The following HDAC9 variants were observed in gnomAD, a reference collection of about 807,000 sequenced individuals.
HDAC9 encodes the protein MEF-2 interacting transcription repressor (MITR) protein.
A neutral mutation model predicts 139.4 loss-of-function variants in HDAC9; 41 were observed. The observed-to-expected ratio is 0.29, with a 90% CI of 0.23 to 0.38. HDAC9 has a LOEUF of 0.38. Ranked by LOEUF, HDAC9 falls within the 10% of genes least tolerant of loss-of-function variation. The pLI, the probability that HDAC9 is intolerant of heterozygous loss-of-function variation, is 1.00. For synonymous variants in HDAC9, 517 were observed against 476.2 expected (o/e 1.09, Z -1.12); for missense variants, 1,147 against 1,297.0 (o/e 0.88, Z 1.78).
In HDAC9 at chr7:18,549,808, A is replaced by G. The variant is rs1235699299; in HGVS notation, c.23-35473A>G. Among the ~76,000 whole-genome samples the G allele has an allele frequency of 4.0e-5, 6 of 151,476 alleles. 1 individual carries two copies. The highest frequency in any genetic ancestry group is 1.5e-4 in the African/African-American group (6 of 41,208). The stretch of plus-strand genomic sequence containing the variant: ...CACACCCACACCCACACATACACAC[A>G]GTTTCTTATGGGGAAATGTTATTTT... On this transcript the variant is annotated intron_variant, in intron 2 of 25. Coordinates refer to ENST00000686413, the MANE Select transcript of HDAC9 (RefSeq NM_178425.4).
chr7:18,957,468 A>G (rs1318424529), intron 24 of HDAC9, among the ~76,000 whole-genome samples: 1 of 152,140 alleles, frequency 6.6e-6, no homozygotes, highest in African/African-American at 2.4e-5. Flanking sequence ...TTTATAACCA[A>G]TGCTTCCATT....
chr7:18,969,978 T>A (rs1236284735), intron 24 of HDAC9, among the ~76,000 whole-genome samples: 2 of 152,216 alleles, frequency 1.3e-5, no homozygotes, highest in African/African-American at 2.4e-5. Context: ...GAAGATATTC[T>A]GCTTTTAGCA....
At chr7:18,763,113 GT>G (rs1398770321) in intron 15 of HDAC9, among the ~76,000 whole-genome samples, 1 of 152,108 alleles carries the variant, frequency 6.6e-6, no homozygotes, top group Non-Finnish European at 1.5e-5. Flanking sequence ...TCAAATAAAT[GT>G]ATTGTGTCAG....
intron 2 of HDAC9, among the ~76,000 whole-genome samples, chr7:18,501,501 A>G (rs1374072162): frequency 6.6e-6 from 1 of 152,234 alleles, no homozygotes; most frequent in Non-Finnish European, 1.5e-5. Context: ...TAGTACATTT[A>G]TAGTTCCTTC....
At chr7:18,114,295 C>T (rs924571895) in intron 1 of HDAC9, among the ~76,000 whole-genome samples, 6 of 152,174 alleles carry the variant, frequency 3.9e-5, no homozygotes, top group African/African-American at 1.2e-4. Context: ...CTTCTTAGAC[C>T]TCATTGGCCA....
At chr7:18,254,043 C>T (rs1409541515) in intron 2 of HDAC9, among the ~76,000 whole-genome samples, 1 of 152,198 alleles carries the variant, frequency 6.6e-6, no homozygotes, top group Non-Finnish European at 1.5e-5. Flanking sequence ...AAACATCATG[C>T]ATTGATGTAA....
intron 8 of HDAC9, among the ~76,000 whole-genome samples, chr7:18,641,467 G>A (rs1158125532): frequency 2.0e-5 from 3 of 152,012 alleles, no homozygotes; most frequent in East Asian, 1.9e-4. Flanking sequence ...ATCTTTGTAC[G>A]CCTTGCACCC....
chr7:18,938,087 A>C (rs1368915938), intron 23 of HDAC9, among the ~76,000 whole-genome samples: 1 of 151,928 alleles, frequency 6.6e-6, no homozygotes, highest in African/African-American at 2.4e-5. Context: ...GACTGGGAGA[A>C]CTCTGGCCAT....
rs554333305 is a variant in HDAC9, at chr7:18,334,581, C to T, written c.-42+44066C>T. 1.1e-3 allele frequency among the ~76,000 whole-genome samples: 173 copies of T among 151,452 alleles called. 1 individual carries two copies. The highest frequency in any genetic ancestry group is 4.0e-3 in the African/African-American group (165 of 41,444). On this transcript the variant is annotated intron_variant, in intron 1 of 3. Coordinates refer to the HDAC9 transcript ENST00000413509. ...GTGATGGTCACTTTTTCAAAAATCA[C>T]GTAACTTTTCCAGTGCATTAATAAA... is the stretch of plus-strand genomic sequence containing the variant.
At chr7:18,504,650 A>G (rs1363415908) in intron 2 of HDAC9, among the ~76,000 whole-genome samples, 4 of 152,124 alleles carry the variant, frequency 2.6e-5, no homozygotes, top group Admixed American at 2.6e-4. Flanking sequence ...ATTTTTTTCA[A>G]AAATTTTTAT....
At position 18,334,112 on chromosome 7, in the gene HDAC9, A is replaced by G. The variant is rs1003232602; in HGVS notation, c.-42+43597A>G. Among the ~76,000 whole-genome samples the G allele has an allele frequency of 5.3e-5, 8 of 151,372 alleles. No individual in the cohort carries two copies. In the East Asian group the frequency reaches 7.8e-4, roughly 15 times the overall value. On this transcript the variant is annotated intron_variant, in intron 1 of 3. Coordinates refer to the HDAC9 transcript ENST00000413509. ...TTACCAGTTAGATTTTCAAATTTTCAAGAGATAAATTCTTATTTAATGAAT... is the reference window on the plus strand; with the variant it reads ...TTACCAGTTAGATTTTCAAATTTTCGAGAGATAAATTCTTATTTAATGAAT...
chr7:18,111,860 C>G (rs1783641585), intron 1 of HDAC9, among the ~76,000 whole-genome samples: 1 of 152,172 alleles, frequency 6.6e-6, no homozygotes, highest in Non-Finnish European at 1.5e-5. Flanking sequence ...CAGTTCCATG[C>G]TGGCTCTAGC....
At chr7:18,726,387 A>T (rs1785547852) in intron 12 of HDAC9, among the ~76,000 whole-genome samples, 1 of 152,208 alleles carries the variant, frequency 6.6e-6, no homozygotes, top group African/African-American at 2.4e-5. Flanking sequence ...CAAGGCCTTA[A>T]CTAAGGAGAA....
chr7:18,703,722 A>G (rs1783677941), intron 12 of HDAC9, among the ~76,000 whole-genome samples: 1 of 152,038 alleles, frequency 6.6e-6, no homozygotes, highest in African/African-American at 2.4e-5. Flanking sequence ...AAGAAAAATT[A>G]TGATATTTCC....
chr7:18,886,456 A>C (rs555134816), intron 22 of HDAC9, among the ~76,000 whole-genome samples: 81 of 152,320 alleles, frequency 5.3e-4, no homozygotes, highest in African/African-American at 1.9e-3. Context: ...ATACTAAGAT[A>C]TACTTTTTCA....
chr7:18,716,169 T>C lies in HDAC9; in HGVS notation c.1732-11411T>C, dbSNP rs1050138893. Among the ~76,000 whole-genome samples, 15 of 152,202 alleles carry C rather than the reference T, an allele frequency of 9.9e-5. No homozygotes were observed. The East Asian group carries it at 1.3e-3, about 14-fold the overall frequency. On this transcript the variant is annotated intron_variant, in intron 12 of 25. Coordinates refer to ENST00000686413, the MANE Select transcript of HDAC9 (RefSeq NM_178425.4). ...CTCTAGACCAGAGCTCTATTGTTCA[T>C]CCTGTACTGTCCATTGGCTGCCAAC... is the stretch of plus-strand genomic sequence containing the variant.
chr7:18,232,740 G>A (rs1430000704), intron 2 of HDAC9, among the ~76,000 whole-genome samples: 1 of 152,172 alleles, frequency 6.6e-6, no homozygotes, highest in Non-Finnish European at 1.5e-5. Flanking sequence ...CCAGTTCAGG[G>A]ACACAGGTTG....
intron 25 of HDAC9, among the ~76,000 whole-genome samples, chr7:18,992,098 G>A (rs1786026027): frequency 6.6e-6 from 1 of 152,192 alleles, no homozygotes; most frequent in African/African-American, 2.4e-5. Context: ...TACTAATTTA[G>A]TACCATTTTA....
At chr7:18,424,867 C>T (rs1010379268) in intron 1 of HDAC9, among the ~76,000 whole-genome samples, 3 of 152,134 alleles carry the variant, frequency 2.0e-5, no homozygotes, top group Non-Finnish European at 4.4e-5. Flanking sequence ...ATCACCACTG[C>T]ACTCCAGCCT....
Sources: gnomAD v4.1 joint callset for allele counts (sites outside exome capture counted in the v4.1 genomes callset) on GRCh38, gnomAD v4.1.1 for gene constraint, MANE v1.5 for transcripts, NCBI Gene and HGNC (gene_info 2026-07-23, HGNC 2026-07-21) for gene names.